Variants in MED26 observed in about 807,000 individuals in gnomAD.
MED26 encodes mediator of RNA polymerase II transcription subunit 26.
In MED26, 7 loss-of-function variants were observed where a neutral mutation model predicts 43.7. The ratio of observed to expected loss-of-function variants is 0.16; its 90% CI spans 0.09 to 0.30. MED26 has a LOEUF of 0.30. MED26 is among the 10% of genes least tolerant of loss of function. MED26 has a pLI of 1.00. For missense variants in MED26, 784 were observed against 840.6 expected, an observed-to-expected ratio of 0.93 and a Z score of 0.83; for synonymous variants, 375 against 371.1, an observed-to-expected ratio of 1.01 and a Z score of -0.12.
chr19:16,585,738 C>T (rs147781056), intron 1 of MED26, among the ~76,000 whole-genome samples: 1 of 152,346 alleles, frequency 6.6e-6, no homozygotes, highest in Non-Finnish European at 1.5e-5. Context: ...GAAAACCCAC[C>T]TACGACAGGG....
intron 1 of MED26, among the ~76,000 whole-genome samples, chr19:16,598,434 C>G (rs1045349406): frequency 4.6e-5 from 7 of 151,820 alleles, no homozygotes; most frequent in East Asian, 3.9e-4. Context: ...TGCCCCTTGA[C>G]TCAGGTCCCA....
rs138839567 is a variant in MED26 at position 16,627,456 on chromosome 19, G to A, written c.72+416C>T. On this transcript the variant is annotated intron_variant, in intron 1 of 2. Transcript: ENST00000263390. ...GACATGGGAGACATAGGTTCCCCGA[G>A]TCATACCCCGGACACCAGTTGCTTC... Among the ~76,000 whole-genome samples, 12 of 152,358 alleles carry A rather than the reference G, an allele frequency of 7.9e-5. No homozygotes were observed. In the East Asian group the frequency reaches 1.9e-3, roughly 24 times the overall value.
chr19:16,596,641 G>C (rs2086121101), intron 1 of MED26, among the ~76,000 whole-genome samples: 3 of 152,206 alleles, frequency 2.0e-5, no homozygotes, highest in Admixed American at 2.0e-4. Context: ...ACAGGGTGGG[G>C]ATGTTCCTGG....
At chr19:16,583,183 G>A (rs1459956047) in intron 1 of MED26, among the ~76,000 whole-genome samples, 1 of 152,250 alleles carries the variant, frequency 6.6e-6, no homozygotes, top group Non-Finnish European at 1.5e-5. Context: ...GCCTCTTGCT[G>A]TCAGGAATAG....
At chr19:16,592,642 C>G (rs897458950) in intron 1 of MED26, among the ~76,000 whole-genome samples, 1 of 152,214 alleles carries the variant, frequency 6.6e-6, no homozygotes, top group Admixed American at 6.5e-5. Context: ...TAACCAGTGT[C>G]CCCACCTTCA....
At chr19:16,625,313 A>G (rs984568040) in intron 1 of MED26, among the ~76,000 whole-genome samples, 1 of 152,212 alleles carries the variant, frequency 6.6e-6, no homozygotes, top group Admixed American at 6.5e-5. Context: ...CTTTCCTCCT[A>G]AGAATTCCTT....
chr19:16,601,910 G>A (rs1351013596), intron 1 of MED26, among the ~76,000 whole-genome samples: 2 of 152,202 alleles, frequency 1.3e-5, no homozygotes, highest in Non-Finnish European at 2.9e-5. Flanking sequence ...TTCTGTGGGC[G>A]CTGGCCAGCC....
Position 16,627,837 on chromosome 19 carries a change from C to A in MED26, c.72+35G>T, listed in dbSNP as rs754125801. ...AGAGGGGGAGGGTCCCGGGCCCATG[C>A]GGCCTCCGTCCCAGCTCGCGCGGCG... On this transcript the variant is annotated intron_variant, in intron 1 of 2. Transcript: ENST00000263390. 2.1e-6 allele frequency: 3 copies of A among 1,443,714 alleles called. No individual in the cohort carries two copies. In the Admixed American group the frequency reaches 6.9e-5, roughly 33 times the overall value. 89.4% of individuals were successfully genotyped at this position (1,443,714 alleles called of 1,614,324 possible). A position where few individuals can be genotyped will look rare whatever the true frequency, so the allele number is the denominator to read the frequency against.
chr19:16,597,765 G>A (rs940729175), intron 1 of MED26, among the ~76,000 whole-genome samples: 3 of 152,170 alleles, frequency 2.0e-5, no homozygotes, highest in Admixed American at 1.3e-4. Flanking sequence ...CTGTCACCCA[G>A]TATGGAGCGC....
At chr19:16,607,839 G>T (rs2086181222) in intron 1 of MED26, among the ~76,000 whole-genome samples, 1 of 152,320 alleles carries the variant, frequency 6.6e-6, no homozygotes, top group African/African-American at 2.4e-5. Context: ...TGGACACCCC[G>T]ATCTAGAGCA....
chr19:16,601,444 C>T (rs1377060764), intron 1 of MED26, among the ~76,000 whole-genome samples: 1 of 152,192 alleles, frequency 6.6e-6, no homozygotes. Flanking sequence ...TGTGTGCCAC[C>T]GCGCCCGGCC....
intron 1 of MED26, among the ~76,000 whole-genome samples, chr19:16,619,734 G>A (rs1465541292): frequency 6.6e-6 from 1 of 152,124 alleles, no homozygotes; most frequent in Non-Finnish European, 1.5e-5. Context: ...ACCCCCACCA[G>A]AGTCAAGGCC....
At chr19:16,579,647 C>CA (rs2086034516) in intron 1 of MED26, among the ~76,000 whole-genome samples, 1 of 152,174 alleles carries the variant, frequency 6.6e-6, no homozygotes, top group African/African-American at 2.4e-5. Flanking sequence ...GGCTGGCTAG[C>CA]GGGTGGGAGC....
intron 1 of MED26, among the ~76,000 whole-genome samples, chr19:16,600,272 CAG>C (rs2086142556): frequency 6.6e-6 from 1 of 152,092 alleles, no homozygotes. Context: ...GGAATTGTGC[CAG>C]GCTGAGGAAA....
chr19:16,600,412 G>A (rs565923601), intron 1 of MED26, among the ~76,000 whole-genome samples: 47 of 152,288 alleles, frequency 3.1e-4, no homozygotes, highest in African/African-American at 1.0e-3. Flanking sequence ...TTGGGGTGCA[G>A]GGGGGCCTGC....
chr19:16,601,130 G>A (rs1479307598), intron 1 of MED26, among the ~76,000 whole-genome samples: 1 of 151,834 alleles, frequency 6.6e-6, no homozygotes, highest in East Asian at 1.9e-4. Flanking sequence ...CTGGGTCTGG[G>A]GCCCAGGCAG....
chr19:16,576,169 C>A lies in MED26; in HGVS notation c.1661G>T (p.Arg554Ile), dbSNP rs2085996621. 1 of 1,613,464 alleles carries A rather than the reference C, an allele frequency of 6.2e-7. No individual in the cohort carries two copies. Residue 554 changes from arginine (R) to isoleucine (I), a missense_variant, in exon 3 of 3, where the codon AGA becomes ATA. This residue lies in a region of MED26 where 719 missense variants were observed against 730.9 expected (regional missense o/e 0.98). Coordinates refer to ENST00000263390, the MANE Select transcript of MED26 (RefSeq NM_004831.5). This position sits in a 1 kb window ranked among gnomAD's most constrained non-coding sequence, Gnocchi z 6.8. ...CCCCGGCCACTGGCTGGCCTGGATTCTGTCGAGATCGTCCTGTGTGACCTC... is the reference window on the plus strand; with the variant it reads ...CCCCGGCCACTGGCTGGCCTGGATTATGTCGAGATCGTCCTGTGTGACCTC... ...TREVTQDDLD[R>I]IQASQWPGVN... is the part of the protein sequence containing the mutation.
chr19:16,578,017 G>A (rs551307570), intron 2 of MED26: 10 of 484,804 alleles, frequency 2.1e-5, no homozygotes, highest in African/African-American at 6.0e-5. Context: ...TGGCCGAGGC[G>A]ACAGCACAGA....
At chr19:16,625,136 C>T (rs1380513173) in intron 1 of MED26, among the ~76,000 whole-genome samples, 2 of 152,120 alleles carry the variant, frequency 1.3e-5, no homozygotes, top group Non-Finnish European at 2.9e-5. Flanking sequence ...GGGTGCACGA[C>T]GAAAAGAAAA....
Sources: gnomAD v4.1 joint callset for allele counts (sites outside exome capture counted in the v4.1 genomes callset) on GRCh38, gnomAD v4.1.1 for gene constraint, gnomAD v4.1.1 regional missense constraint, Gnocchi (gnomAD v3.1) non-coding constraint, MANE v1.5 for transcripts, NCBI Gene and HGNC (gene_info 2026-07-23, HGNC 2026-07-21) for gene names.